The following PALM2AKAP2 variants were observed in gnomAD, a reference collection of about 807,000 sequenced individuals.
PALM2AKAP2 encodes the protein PALM2 and AKAP2 fusion.
In PALM2AKAP2, 37 loss-of-function variants were observed where a neutral mutation model predicts 71.5. That is an observed-to-expected ratio of 0.52 (90% confidence interval 0.40 to 0.68). The LOEUF (loss-of-function observed/expected upper bound fraction) is 0.68, where lower values mean the gene tolerates loss of function less well. PALM2AKAP2 is among the 30% of genes least tolerant of loss of function. The pLI is 0.00. For synonymous variants in PALM2AKAP2, 468 were observed against 478.8 expected, an observed-to-expected ratio of 0.98 and a Z score of 0.29; for missense variants, 1,224 against 1,191.8, an observed-to-expected ratio of 1.03 and a Z score of -0.40.
chr9:109,813,899 C>T (rs1564160756), intron 1 of PALM2AKAP2, among the ~76,000 whole-genome samples: 1 of 152,352 alleles, frequency 6.6e-6, no homozygotes, highest in East Asian at 1.9e-4. Context: ...TCATAGTCAG[C>T]CGTGGTGACC....
intron 3 of PALM2AKAP2, among the ~76,000 whole-genome samples, chr9:109,898,651 T>C (rs1830260175): frequency 6.6e-6 from 1 of 152,310 alleles, no homozygotes; most frequent in African/African-American, 2.4e-5. Context: ...ATGAAGATCT[T>C]AGGAATTTCT....
chr9:109,722,080 A>G (rs540149010), intron 1 of PALM2AKAP2, among the ~76,000 whole-genome samples: 1 of 152,338 alleles, frequency 6.6e-6, no homozygotes, highest in East Asian at 1.9e-4. Flanking sequence ...TTGAAAAATT[A>G]TTTATTGTAG....
chr9:109,997,839 CG>C (rs1832603274), intron 6 of PALM2AKAP2, among the ~76,000 whole-genome samples: 1 of 152,198 alleles, frequency 6.6e-6, no homozygotes, highest in African/African-American at 2.4e-5. Flanking sequence ...CCTTCAAACC[CG>C]GGGCAGAGCT....
chr9:109,969,924 C>T (rs966748106), intron 6 of PALM2AKAP2, among the ~76,000 whole-genome samples: 1 of 152,184 alleles, frequency 6.6e-6, no homozygotes, highest in Non-Finnish European at 1.5e-5. Context: ...GACCTGAAGG[C>T]CCATTGACCA....
At chr9:109,827,828 A>G (rs180798749) in intron 1 of PALM2AKAP2, among the ~76,000 whole-genome samples, 127 of 152,316 alleles carry the variant, frequency 8.3e-4, no homozygotes, top group African/African-American at 2.7e-3. Context: ...CACCCTAACT[A>G]TATTTGCAGC....
At chr9:110,144,695 A>G (rs1304535879) in intron 2 of PALM2AKAP2, among the ~76,000 whole-genome samples, 3 of 152,226 alleles carry the variant, frequency 2.0e-5, no homozygotes, top group African/African-American at 4.8e-5. Flanking sequence ...AAACTTGAGA[A>G]GAAGAATTAG....
intron 3 of PALM2AKAP2, among the ~76,000 whole-genome samples, chr9:109,914,247 A>G (rs1249501612): frequency 6.6e-6 from 1 of 152,234 alleles, no homozygotes; most frequent in Non-Finnish European, 1.5e-5. Context: ...CCTCAGCTGC[A>G]TACATGTGCA....
chr9:110,062,680 G>A (rs1833988936), intron 1 of PALM2AKAP2, among the ~76,000 whole-genome samples: 1 of 152,184 alleles, frequency 6.6e-6, no homozygotes, highest in Non-Finnish European at 1.5e-5. Flanking sequence ...TCTAGCACAT[G>A]TGTTATATTA....
At chr9:110,076,457 T>A (rs2118647492) in intron 1 of PALM2AKAP2, among the ~76,000 whole-genome samples, 1 of 135,068 alleles carries the variant, frequency 7.4e-6, no homozygotes, top group Middle Eastern at 3.8e-3. Context: ...GTATATAGGC[T>A]CCTGAGGATA....
intron 1 of PALM2AKAP2, among the ~76,000 whole-genome samples, chr9:109,644,482 C>T (rs1341517439): frequency 6.6e-6 from 1 of 152,094 alleles, no homozygotes; most frequent in Admixed American, 6.6e-5. Context: ...GAGATTAGCA[C>T]TGGTCAACAA....
chr9:110,145,516 C>T (rs929572006), intron 2 of PALM2AKAP2, among the ~76,000 whole-genome samples: 3 of 152,102 alleles, frequency 2.0e-5, no homozygotes, highest in African/African-American at 4.8e-5. Flanking sequence ...GTTCATTATT[C>T]TGTTAACTAA....
chr9:109,958,022 C>G (rs1831781207), intron 6 of PALM2AKAP2, among the ~76,000 whole-genome samples: 1 of 152,074 alleles, frequency 6.6e-6, no homozygotes, highest in Non-Finnish European at 1.5e-5. Flanking sequence ...TTTCAATTCA[C>G]CAAGCCTCAG....
chr9:109,642,174 G>A (rs1827079849), intron 1 of PALM2AKAP2, among the ~76,000 whole-genome samples: 1 of 152,018 alleles, frequency 6.6e-6, no homozygotes, highest in Non-Finnish European at 1.5e-5. Flanking sequence ...CTAGTGTCAT[G>A]TTTAAGAGCT....
chr9:110,168,681 C>A, exon 4 of PALM2AKAP2: 1 of 695,740 alleles, frequency 1.4e-6, no homozygotes, highest in Non-Finnish European at 2.2e-6. Context: ...CCCCATCAGA[C>A]TCTGGACACC....
At chr9:110,093,990 T>C (rs565031962) in intron 1 of PALM2AKAP2, among the ~76,000 whole-genome samples, 2 of 152,342 alleles carry the variant, frequency 1.3e-5, no homozygotes, top group South Asian at 4.2e-4. Context: ...GATACATTTT[T>C]GATTGTCATG....
chr9:109,657,452 T>TTGTGTGTGTGTGTGTG (rs3062680), intron 1 of PALM2AKAP2, among the ~76,000 whole-genome samples: 5,098 of 147,140 alleles, frequency 0.035, 113 homozygotes, highest in Non-Finnish European at 0.047. Flanking sequence ...AATATGGTAT[T>TTGTGTGTGTGTGTGTG]TGTGTGTGTG....
intron 6 of PALM2AKAP2, chr9:109,943,302 C>T (rs151116971): frequency 2.5e-5 from 41 of 1,614,158 alleles, no homozygotes; most frequent in South Asian, 1.2e-4. Flanking sequence ...AGCTTGTGTC[C>T]GGGAGGCCGG....
intron 6 of PALM2AKAP2, among the ~76,000 whole-genome samples, chr9:109,937,101 G>T (rs531841599): frequency 3.3e-5 from 5 of 152,272 alleles, no homozygotes; most frequent in Non-Finnish European, 7.4e-5. Context: ...CTTTCACTCT[G>T]CCAAAGGTGA....
At chr9:109,994,905 T>A (rs1832546384) in intron 6 of PALM2AKAP2, among the ~76,000 whole-genome samples, 1 of 152,228 alleles carries the variant, frequency 6.6e-6, no homozygotes, top group African/African-American at 2.4e-5. Context: ...TCTCTTGTTC[T>A]ATGCCTTGAC....
Sources: allele counts gnomAD v4.1 joint callset (sites outside exome capture counted in the v4.1 genomes callset), GRCh38; gene constraint gnomAD v4.1.1; transcripts MANE v1.5; gene names NCBI Gene and HGNC (gene_info 2026-07-23, HGNC 2026-07-21).